TENM1: variants seen among roughly 807,000 people sequenced by gnomAD.
TENM1 encodes teneurin transmembrane protein 1.
Under a neutral mutation model 174.8 loss-of-function variants are expected in TENM1, and 35 were observed. That is an observed-to-expected ratio of 0.20 (90% CI 0.15 to 0.27). TENM1 has a LOEUF of 0.27. Among genes scored for constraint, TENM1 ranks in the 10% least tolerant of loss-of-function variants. The pLI is 1.00. For synonymous variants in TENM1, 781 were observed against 798.7 expected, an observed-to-expected ratio of 0.98 and a Z score of 0.37; for missense variants, 1,633 against 2,130.1, an observed-to-expected ratio of 0.77 and a Z score of 4.59.
At chrX:124,598,034 G>T (rs1432257965) in intron 11 of TENM1, among the ~76,000 whole-genome samples, 2 of 111,296 alleles carry the variant, frequency 1.8e-5, no homozygotes, top group Non-Finnish European at 3.8e-5. Flanking sequence ...AACTCTATAG[G>T]ATAAAACCTA....
At chrX:124,469,207 A>G (rs185542781) in intron 22 of TENM1, among the ~76,000 whole-genome samples, 3 of 112,596 alleles carry the variant, frequency 2.7e-5, no homozygotes, top group Non-Finnish European at 5.6e-5. Context: ...CAGTCAAACA[A>G]TTTTGAAAAC....
chrX:125,037,386 T>C, the TENM1 span, among the ~76,000 whole-genome samples: 5 of 110,324 alleles, frequency 4.5e-5, no homozygotes, highest in African/African-American at 1.6e-4. Flanking sequence ...CACTATAACA[T>C]TGTTATGGGG....
At chrX:125,106,284 T>C in the TENM1 span, among the ~76,000 whole-genome samples, 1 of 112,373 alleles carries the variant, frequency 8.9e-6, no homozygotes, top group Admixed American at 9.4e-5. Flanking sequence ...ATATTATCTG[T>C]CTCCACCAGT....
chrX:125,175,268 T>C, the TENM1 span, among the ~76,000 whole-genome samples: 1 of 110,874 alleles, frequency 9.0e-6, no homozygotes, highest in Non-Finnish European at 1.9e-5. Flanking sequence ...GATGAGAAAA[T>C]ACAAAATGAA....
intron 23 of TENM1, among the ~76,000 whole-genome samples, chrX:124,438,162 A>G (rs779774132): frequency 8.9e-4 from 99 of 111,544 alleles, no homozygotes; most frequent in Non-Finnish European, 1.7e-3. Context: ...TCCTGGCATC[A>G]GGTGATCTGC....
At chrX:124,458,763 A>C (rs765854025) in intron 22 of TENM1, among the ~76,000 whole-genome samples, 37 of 112,357 alleles carry the variant, frequency 3.3e-4, no homozygotes, top group African/African-American at 1.1e-3. Context: ...ACCAGTGTTT[A>C]GCATTTGTCT....
intron 15 of TENM1, among the ~76,000 whole-genome samples, chrX:124,531,126 CT>C (rs1189755779): frequency 0.075 from 5,959 of 79,102 alleles, 276 homozygotes; most frequent in African/African-American, 0.13. Context: ...TCAATACCAC[CT>C]TTTTTTTTTT....
At chrX:124,509,158 T>G (rs1053846922) in intron 18 of TENM1, among the ~76,000 whole-genome samples, 1 of 111,085 alleles carries the variant, frequency 9.0e-6, no homozygotes, top group Non-Finnish European at 1.9e-5. Flanking sequence ...CTGAGCATTA[T>G]GAGAGAGTGT....
chrX:124,739,556 C>A (rs1185451203), intron 3 of TENM1, among the ~76,000 whole-genome samples: 4 of 111,710 alleles, frequency 3.6e-5, no homozygotes, highest in Non-Finnish European at 7.5e-5. Flanking sequence ...CTCTCCCCCA[C>A]CCCCATGGGT....
chrX:125,016,757 A>G, the TENM1 span, among the ~76,000 whole-genome samples: 1 of 111,833 alleles, frequency 8.9e-6, no homozygotes, highest in East Asian at 2.8e-4. Flanking sequence ...TATAGCCAAG[A>G]CAATCCTAAG....
chrX:125,149,017 G>A, the TENM1 span, among the ~76,000 whole-genome samples: 2 of 111,683 alleles, frequency 1.8e-5, no homozygotes, highest in East Asian at 5.6e-4. Context: ...ACACTTCAGT[G>A]GTTCTCCTTT....
chrX:124,984,399 T>A, the TENM1 span, among the ~76,000 whole-genome samples: 4 of 112,604 alleles, frequency 3.6e-5, no homozygotes, highest in Non-Finnish European at 5.6e-5. Flanking sequence ...CAGAACAAGT[T>A]AATTTTTTAC....
the TENM1 span, among the ~76,000 whole-genome samples, chrX:124,986,925 C>T: frequency 9.0e-6 from 1 of 111,473 alleles, no homozygotes; most frequent in East Asian, 2.8e-4. Context: ...TACAGGCATG[C>T]TCCACCATGC....
chrX:125,011,680 A>C, the TENM1 span, among the ~76,000 whole-genome samples: 1 of 111,826 alleles, frequency 8.9e-6, no homozygotes, highest in South Asian at 3.8e-4. Flanking sequence ...TAAAAAGTCA[A>C]GAAACAACAG....
At chrX:125,189,288 A>T in the TENM1 span, among the ~76,000 whole-genome samples, 1,671 of 111,798 alleles carry the variant, frequency 0.015, 34 homozygotes, top group African/African-American at 0.052. Flanking sequence ...CTCACCCTTT[A>T]TCTCTCTATT....
intron 6 of TENM1, among the ~76,000 whole-genome samples, chrX:124,662,178 C>T (rs1192000015): frequency 1.8e-5 from 2 of 110,972 alleles, no homozygotes; most frequent in Non-Finnish European, 3.8e-5. Context: ...ACACAAGTCT[C>T]TCGCAGTGGC....
the TENM1 span, among the ~76,000 whole-genome samples, chrX:125,152,013 T>C: frequency 8.9e-6 from 1 of 111,733 alleles, no homozygotes; most frequent in Non-Finnish European, 1.9e-5. Context: ...CCCAGTACTC[T>C]GGGAGGCTGA....
chrX:124,942,286 C>A (rs1466762278), intron 1 of TENM1, among the ~76,000 whole-genome samples: 3 of 111,491 alleles, frequency 2.7e-5, no homozygotes, highest in Non-Finnish European at 3.8e-5. Flanking sequence ...TAGATTATTG[C>A]AACATTTTCC....
chrX:124,753,432 A>C (rs775647713), intron 3 of TENM1, among the ~76,000 whole-genome samples: 2 of 103,158 alleles, frequency 1.9e-5, no homozygotes, highest in Non-Finnish European at 4.0e-5. Context: ...TGTCATCTGC[A>C]AACAGGGACA....
Sources: gnomAD v4.1 joint callset for allele counts (sites outside exome capture counted in the v4.1 genomes callset) on GRCh38, gnomAD v4.1.1 for gene constraint, MANE v1.5 for transcripts, NCBI Gene and HGNC (gene_info 2026-07-23, HGNC 2026-07-21) for gene names.